Variants in AGAP1 observed in about 807,000 individuals in gnomAD.
AGAP1 encodes the protein arf-GAP with GTPase, ANK repeat and PH domain-containing protein 1.
In AGAP1, 29 loss-of-function variants were observed where a neutral mutation model predicts 105.3. That is an observed-to-expected ratio of 0.28 (90% CI 0.21 to 0.38). The LOEUF (loss-of-function observed/expected upper bound fraction) is 0.38, where lower values mean the gene tolerates loss of function less well. Among genes scored for constraint, AGAP1 ranks in the 10% least tolerant of loss-of-function variants. The probability of loss-of-function intolerance (pLI) is 1.00; values close to 1 mark genes in which losing one functional copy is unlikely to be tolerated. For synonymous variants in AGAP1, 509 were observed against 485.9 expected (o/e 1.05, Z -0.63); for missense variants, 998 against 1,165.1 (o/e 0.86, Z 2.09).
rs1266812341 is a variant in AGAP1 at position 235,872,015 on chromosome 2, C to T, written c.1051-11330C>T. On this transcript the variant is annotated intron_variant, in intron 9 of 17. Coordinates refer to ENST00000304032, the MANE Select transcript of AGAP1 (RefSeq NM_001037131.3). The surrounding 1 kb of genome is among the most constrained non-coding windows in gnomAD (Gnocchi z 4.5). ...AGCAGTCTGTTTCAGTGTCCTTATC[C>T]ATGAAATGAGAATCGTCGTGGATAT... 6.6e-6 allele frequency among the ~76,000 whole-genome samples: 1 copy of T among 152,162 alleles called. No individual in the cohort carries two copies. Among genetic ancestry groups the T allele is most frequent in the Admixed American group, 6.5e-5 (1 of 15,282 alleles).
At chr2:235,945,491 G>A (rs2125235903) in intron 12 of AGAP1, among the ~76,000 whole-genome samples, 1 of 152,296 alleles carries the variant, frequency 6.6e-6, no homozygotes, top group East Asian at 1.9e-4. Context: ...ACATGTTTCA[G>A]CCTGTTTCTA....
In AGAP1 at chr2:235,557,383, G is replaced by A. The variant is rs1022926069; in HGVS notation, c.163+62534G>A. 6.6e-6 allele frequency among the ~76,000 whole-genome samples: 1 copy of A among 152,148 alleles called. No homozygotes were observed. Among genetic ancestry groups the A allele is most frequent in the Non-Finnish European group, 1.5e-5 (1 of 68,032 alleles). On this transcript the variant is annotated intron_variant, in intron 1 of 17. Coordinates refer to ENST00000304032, the MANE Select transcript of AGAP1 (RefSeq NM_001037131.3). The surrounding 1 kb of genome is among the most constrained non-coding windows in gnomAD (Gnocchi z 4.7). ...AAGGCTTGTCCATGTATCGCCGTTG[G>A]GAAGGGAAATCACTCCGAAGACGGT...
chr2:235,528,191 T>C (rs1942913816), intron 1 of AGAP1, among the ~76,000 whole-genome samples: 1 of 152,156 alleles, frequency 6.6e-6, no homozygotes, highest in African/African-American at 2.4e-5. Context: ...CTAAGGAGAA[T>C]AGACCTCCTT....
rs147841501 is a variant in AGAP1, at chr2:236,069,290, G to A, written c.2114+20009G>A. On this transcript the variant is annotated intron_variant, in intron 16 of 17. Coordinates refer to ENST00000304032, the MANE Select transcript of AGAP1 (RefSeq NM_001037131.3). ...TGCAATGTAAATATACATACGTTAT[G>A]ATGTATAATTGAATATATATCATAA... Among the ~76,000 whole-genome samples the A allele has an allele frequency of 6.3e-4, 96 of 152,004 alleles. No individual in the cohort carries two copies. The East Asian group carries it at 0.017, about 27-fold the overall frequency.
intron 2 of AGAP1, among the ~76,000 whole-genome samples, chr2:235,710,749 A>G (rs988160491): frequency 6.6e-6 from 1 of 152,192 alleles, no homozygotes; most frequent in East Asian, 1.9e-4. Flanking sequence ...TGCTGTTACC[A>G]GGAGATTCTC....
chr2:235,898,431 AG>A (rs1465302229), intron 10 of AGAP1, among the ~76,000 whole-genome samples: 1 of 151,294 alleles, frequency 6.6e-6, no homozygotes, highest in Admixed American at 6.6e-5. Context: ...GAAGAGAAGG[AG>A]GAAAAAGCAG....
chr2:235,593,696 G>T (rs1215663434), intron 1 of AGAP1, among the ~76,000 whole-genome samples: 1 of 152,160 alleles, frequency 6.6e-6, no homozygotes, highest in Non-Finnish European at 1.5e-5. Context: ...AGGCTTAGTG[G>T]CTCCTTTCTG....
intron 1 of AGAP1, among the ~76,000 whole-genome samples, chr2:235,495,358 A>C (rs1024649379): frequency 5.3e-5 from 8 of 152,336 alleles, no homozygotes; most frequent in African/African-American, 1.9e-4. Context: ...AGTTGAACTT[A>C]GTGGATGCCG....
rs1419764089 is a variant in AGAP1, at chr2:235,988,769, C to T, written c.1645+20146C>T. Among the ~76,000 whole-genome samples the T allele has an allele frequency of 6.6e-6, 1 of 152,126 alleles. No homozygotes were observed. Among genetic ancestry groups the T allele is most frequent in the East Asian group, 1.9e-4 (1 of 5,184 alleles). On this transcript the variant is annotated intron_variant, in intron 13 of 17. Transcript: ENST00000304032. This position sits in a 1 kb window ranked among gnomAD's most constrained non-coding sequence, Gnocchi z 4.7. ...AGATTGCACTTCAGAATCGGTGATG[C>T]GCACTCATTCCCCTGCACCCACCCT...
At position 235,601,703 on chromosome 2, in the gene AGAP1, T is replaced by C. The variant is rs1945736961; in HGVS notation, c.163+106854T>C. 2.0e-5 allele frequency among the ~76,000 whole-genome samples: 3 copies of C among 152,240 alleles called. No individual in the cohort carries two copies. In the South Asian group the frequency reaches 6.2e-4, roughly 32 times the overall value. On this transcript the variant is annotated intron_variant, in intron 1 of 17. Coordinates refer to ENST00000304032, the MANE Select transcript of AGAP1 (RefSeq NM_001037131.3). The surrounding 1 kb of genome is among the most constrained non-coding windows in gnomAD (Gnocchi z 4.4). ...GGACACAGCCAAACCATATCACCAG[T>C]CCGTGGAGCCAGGTGTGGTGGCTCA... is the stretch of plus-strand genomic sequence containing the variant.
chr2:235,779,858 C>T (rs1365088646), intron 6 of AGAP1, among the ~76,000 whole-genome samples: 3 of 152,206 alleles, frequency 2.0e-5, no homozygotes, highest in South Asian at 2.1e-4. Flanking sequence ...AGCCTAAAGC[C>T]GGGACCCCTG....
intron 2 of AGAP1, among the ~76,000 whole-genome samples, chr2:235,710,066 G>A (rs73996332): frequency 1.4e-4 from 21 of 152,288 alleles, no homozygotes; most frequent in Admixed American, 3.3e-4. Flanking sequence ...TAATTTGACC[G>A]TGAAAGCAAA....
intron 13 of AGAP1, among the ~76,000 whole-genome samples, chr2:236,017,949 A>G (rs1165001727): frequency 6.6e-6 from 1 of 152,212 alleles, no homozygotes; most frequent in Non-Finnish European, 1.5e-5. Context: ...TCACAGATCC[A>G]CGTGGAAGGA....
intron 6 of AGAP1, among the ~76,000 whole-genome samples, chr2:235,771,638 C>T (rs1407673390): frequency 2.0e-5 from 3 of 152,242 alleles, no homozygotes; most frequent in Middle Eastern, 3.4e-3. Flanking sequence ...GAAGCTGAAG[C>T]GAGGAGAGGC....
chr2:235,928,413 A>G (rs2052557785), intron 11 of AGAP1, among the ~76,000 whole-genome samples: 2 of 152,178 alleles, frequency 1.3e-5, no homozygotes. Flanking sequence ...CCAAGGGCCA[A>G]GGAGAGAGGG....
intron 13 of AGAP1, among the ~76,000 whole-genome samples, chr2:236,032,587 T>C (rs2057257800): frequency 6.6e-6 from 1 of 152,056 alleles, no homozygotes; most frequent in African/African-American, 2.4e-5. Flanking sequence ...GGGGAAGCAT[T>C]ATTAGAAAAG....
Position 236,061,809 on chromosome 2 carries a change from A to G in AGAP1, c.2114+12528A>G, listed in dbSNP as rs1159549303. 1.3e-5 allele frequency among the ~76,000 whole-genome samples: 2 copies of G among 152,086 alleles called. No individual in the cohort carries two copies. The highest frequency in any genetic ancestry group is 2.9e-5 in the Non-Finnish European group (2 of 68,008). On this transcript the variant is annotated intron_variant, in intron 16 of 17. Coordinates refer to ENST00000304032, the MANE Select transcript of AGAP1 (RefSeq NM_001037131.3). The surrounding 1 kb of genome is among the most constrained non-coding windows in gnomAD (Gnocchi z 4.1). ...GTAGTGATGGTTGTACATCCTTGCA[A>G]ATATACTAAAAACCACTGAGTTGTA...
chr2:235,656,564 C>G (rs1056146464), intron 1 of AGAP1, among the ~76,000 whole-genome samples: 3 of 152,090 alleles, frequency 2.0e-5, no homozygotes, highest in Non-Finnish European at 4.4e-5. Flanking sequence ...TTTTTCCCAC[C>G]GAACCACTCA....
At chr2:236,091,814 T>G (rs935624170) in intron 16 of AGAP1, among the ~76,000 whole-genome samples, 1 of 152,208 alleles carries the variant, frequency 6.6e-6, no homozygotes, top group Non-Finnish European at 1.5e-5. Flanking sequence ...AAAACCTGTA[T>G]GTGAATGTTC....
Sources: gnomAD v4.1 joint callset for allele counts (sites outside exome capture counted in the v4.1 genomes callset) on GRCh38, gnomAD v4.1.1 for gene constraint, Gnocchi (gnomAD v3.1) non-coding constraint, MANE v1.5 for transcripts, NCBI Gene and HGNC (gene_info 2026-07-23, HGNC 2026-07-21) for gene names.